POU2F3: variants seen among roughly 807,000 people sequenced by gnomAD.
POU2F3 encodes the protein POU domain, class 2, transcription factor 3.
A neutral mutation model predicts 59.2 loss-of-function variants in POU2F3; 23 were observed. That is an observed-to-expected ratio of 0.39 (90% confidence interval 0.28 to 0.55). The LOEUF is 0.55. POU2F3 is among the 20% of genes least tolerant of loss of function. The pLI, the probability that POU2F3 is intolerant of heterozygous loss-of-function variation, is 0.66. For missense variants in POU2F3, 473 were observed against 544.5 expected, an observed-to-expected ratio of 0.87 and a Z score of 1.31; for synonymous variants, 190 against 214.6, an observed-to-expected ratio of 0.89 and a Z score of 1.00.
intron 3 of POU2F3, among the ~76,000 whole-genome samples, chr11:120,274,219 C>G (rs1565368934): frequency 6.6e-6 from 1 of 152,144 alleles, no homozygotes; most frequent in African/African-American, 2.4e-5. Flanking sequence ...CACTACCTGA[C>G]CATGTGACCT....
chr11:120,298,650 G>A (rs1941258810), intron 4 of POU2F3, among the ~76,000 whole-genome samples: 1 of 152,184 alleles, frequency 6.6e-6, no homozygotes. Context: ...CTGAGCTGCT[G>A]GTGTCTGCCA....
chr11:120,247,390 C>A (rs1425754962), intron 2 of POU2F3, among the ~76,000 whole-genome samples: 3 of 152,168 alleles, frequency 2.0e-5, no homozygotes, highest in Non-Finnish European at 2.9e-5. Flanking sequence ...ATTCTTGAAG[C>A]TATGAGATTC....
At chr11:120,255,130 A>G (rs1939282398) in intron 2 of POU2F3, among the ~76,000 whole-genome samples, 2 of 152,042 alleles carry the variant, frequency 1.3e-5, no homozygotes, top group Admixed American at 1.3e-4. Flanking sequence ...CCAGACTCCC[A>G]GTCTTCCCCA....
In POU2F3 at chr11:120,309,406, G is replaced by A. The variant is rs757943438; in HGVS notation, c.907-19G>A. The stretch of plus-strand genomic sequence containing the variant: ...GATTCCCTTCTCTTGGCCATACTCT[G>A]TCCTTTCGGTGCCTATAGAACCCAA... On this transcript the variant is annotated intron_variant, in intron 9 of 12. Coordinates refer to ENST00000543440, the MANE Select transcript of POU2F3 (RefSeq NM_014352.4). The A allele has an allele frequency of 6.2e-5, 100 of 1,601,088 alleles. 1 individual carries two copies. The South Asian group carries it at 1.0e-3, about 16-fold the overall frequency.
intron 1 of POU2F3, among the ~76,000 whole-genome samples, chr11:120,244,528 G>A (rs1018377033): frequency 6.6e-6 from 1 of 152,172 alleles, no homozygotes; most frequent in African/African-American, 2.4e-5. Context: ...GTTAGTGATG[G>A]CATTGAGATT....
At chr11:120,282,664 A>T (rs1940618802) in intron 3 of POU2F3, among the ~76,000 whole-genome samples, 2 of 152,200 alleles carry the variant, frequency 1.3e-5, no homozygotes, top group African/African-American at 4.8e-5. Context: ...AAAAGAAACA[A>T]ACAAAAAAAA....
At chr11:120,240,954 T>C (rs1938638868) in intron 1 of POU2F3, among the ~76,000 whole-genome samples, 1 of 152,178 alleles carries the variant, frequency 6.6e-6, no homozygotes, top group African/African-American at 2.4e-5. Flanking sequence ...GTCCCATGCC[T>C]TCCTTCCCTA....
intron 3 of POU2F3, among the ~76,000 whole-genome samples, chr11:120,281,864 A>G (rs1412428197): frequency 6.6e-6 from 1 of 150,986 alleles, no homozygotes; most frequent in African/African-American, 2.5e-5. Context: ...GTTCAATGGG[A>G]GGAAAAATAG....
rs1160421371 is a variant in POU2F3 at position 120,319,378 on chromosome 11, C to T, written c.*986C>T. The T allele has an allele frequency of 6.6e-6, 1 of 151,986 alleles. No homozygotes were observed. 9.4% of individuals were successfully genotyped at this position (151,986 alleles called of 1,614,324 possible). A position where few individuals can be genotyped will look rare whatever the true frequency, so the allele number is the denominator to read the frequency against. Reference sequence around the variant, plus strand: ...TCTTTAAAAAAAAGGGGGGGAAATACCAAAGTGTGAAATACTGTGCTACCT... The same window carrying T: ...TCTTTAAAAAAAAGGGGGGGAAATATCAAAGTGTGAAATACTGTGCTACCT... On this transcript the variant is annotated 3_prime_UTR_variant, in exon 13 of 13. Coordinates refer to ENST00000543440, the MANE Select transcript of POU2F3 (RefSeq NM_014352.4).
At chr11:120,269,306 C>G in intron 3 of POU2F3, 62 bp downstream of exon 3, 1 of 1,338,348 alleles carries the variant, frequency 7.5e-7, no homozygotes, top group Non-Finnish European at 1.1e-6. Context: ...CCTATACTGT[C>G]TGGTATGGAG....
At chr11:120,254,763 T>G (rs908670219) in intron 2 of POU2F3, 1 of 152,204 alleles carries the variant, frequency 6.6e-6, no homozygotes, top group Non-Finnish European at 1.5e-5. Flanking sequence ...ACCAGAGCCC[T>G]CATAAGTGGC....
At chr11:120,281,681 A>G (rs1015029964) in intron 3 of POU2F3, among the ~76,000 whole-genome samples, 3 of 152,142 alleles carry the variant, frequency 2.0e-5, no homozygotes, top group South Asian at 4.2e-4. Context: ...TTCCTCCCGT[A>G]TACTTCATCA....
intron 2 of POU2F3, among the ~76,000 whole-genome samples, chr11:120,259,763 A>G (rs1939513552): frequency 6.6e-6 from 1 of 152,214 alleles, no homozygotes. Flanking sequence ...TTGAGCATGA[A>G]ACAGCCTCCA....
chr11:120,290,144 A>G (rs1940967945), intron 3 of POU2F3, among the ~76,000 whole-genome samples: 1 of 152,206 alleles, frequency 6.6e-6, no homozygotes, highest in Non-Finnish European at 1.5e-5. Flanking sequence ...ACAAGAGACA[A>G]GGAAGACCTC....
intron 3 of POU2F3, among the ~76,000 whole-genome samples, chr11:120,273,585 G>C (rs1314795170): frequency 7.0e-4 from 106 of 152,204 alleles, no homozygotes; most frequent in Non-Finnish European, 4.4e-5. Flanking sequence ...AGCATGACTA[G>C]TTTCATTTAC....
chr11:120,300,967 T>C, intron 5 of POU2F3: 2 of 452,910 alleles, frequency 4.4e-6, no homozygotes, highest in Admixed American at 4.7e-5. Context: ...AATTTTTAAG[T>C]GTTTATTTTG....
At chr11:120,265,068 C>T (rs1232618981) in intron 2 of POU2F3, among the ~76,000 whole-genome samples, 3 of 152,210 alleles carry the variant, frequency 2.0e-5, no homozygotes, top group Non-Finnish European at 2.9e-5. Context: ...CCAGGTACCA[C>T]CTTCCATGCC....
intron 3 of POU2F3, among the ~76,000 whole-genome samples, chr11:120,292,611 C>T (rs1941063138): frequency 2.6e-5 from 4 of 152,214 alleles, no homozygotes; most frequent in Non-Finnish European, 5.9e-5. Flanking sequence ...GTAGCTCTGT[C>T]CTCTTTTCTA....
At chr11:120,258,603 A>G (rs1376443120) in intron 2 of POU2F3, among the ~76,000 whole-genome samples, 2 of 152,184 alleles carry the variant, frequency 1.3e-5, no homozygotes, top group African/African-American at 4.8e-5. Flanking sequence ...TTTGGGTGCA[A>G]CTAGAACAGA....
Sources: allele counts gnomAD v4.1 joint callset (sites outside exome capture counted in the v4.1 genomes callset), GRCh38; gene constraint gnomAD v4.1.1; transcripts MANE v1.5; gene names NCBI Gene and HGNC (gene_info 2026-07-23, HGNC 2026-07-21).